The following GNG12 variants were observed in gnomAD, a reference collection of about 807,000 sequenced individuals.
GNG12 encodes the protein G protein subunit gamma 12, also known as guanine nucleotide-binding protein G(I)/G(S)/G(O) subunit gamma-12.
For synonymous variants in GNG12, 28 were observed against 29.7 expected, an observed-to-expected ratio of 0.94 and a Z score of 0.19; for missense variants, 69 against 83.8, an observed-to-expected ratio of 0.82 and a Z score of 0.69.
intron 2 of GNG12, among the ~76,000 whole-genome samples, chr1:67,722,354 C>T (rs570231527): frequency 7.9e-5 from 12 of 152,190 alleles, no homozygotes; most frequent in South Asian, 2.1e-4. Flanking sequence ...CATTTGCAGT[C>T]GCCAGCTGGG....
intron 1 of GNG12, among the ~76,000 whole-genome samples, chr1:67,779,348 A>G (rs1172213856): frequency 6.6e-6 from 1 of 152,156 alleles, no homozygotes; most frequent in Non-Finnish European, 1.5e-5. Context: ...AGGCCACTCA[A>G]AGTGCTGCCA....
At chr1:67,769,850 T>C (rs910610231) in intron 2 of GNG12, among the ~76,000 whole-genome samples, 2 of 151,940 alleles carry the variant, frequency 1.3e-5, no homozygotes, top group African/African-American at 4.8e-5. Flanking sequence ...TCACTCTCTC[T>C]CTCTCCTGAG....
intron 2 of GNG12, among the ~76,000 whole-genome samples, chr1:67,763,312 T>C (rs1437184955): frequency 2.0e-5 from 3 of 152,144 alleles, no homozygotes; most frequent in African/African-American, 7.2e-5. Context: ...GAAAAGAAAA[T>C]ACAAAATTAT....
At chr1:67,717,513 CA>C (rs1205936941) in intron 2 of GNG12, among the ~76,000 whole-genome samples, 648 of 104,014 alleles carry the variant, frequency 6.2e-3, no homozygotes, top group Middle Eastern at 6.8e-3. Flanking sequence ...GAGACTCTGT[CA>C]AAAAAAAAAA....
intron 2 of GNG12, among the ~76,000 whole-genome samples, chr1:67,748,322 T>C (rs1459867388): frequency 6.6e-6 from 1 of 152,204 alleles, no homozygotes; most frequent in Admixed American, 6.5e-5. Flanking sequence ...GTTTGGTGGC[T>C]ACCAATCAAA....
chr1:67,826,804 T>C (rs1428764384), intron 1 of GNG12, among the ~76,000 whole-genome samples: 1 of 152,214 alleles, frequency 6.6e-6, no homozygotes, highest in Non-Finnish European at 1.5e-5. Flanking sequence ...GAGTCTTCAT[T>C]TGAGAAAAAA....
chr1:67,830,663 C>T (rs763976988), intron 1 of GNG12, among the ~76,000 whole-genome samples: 2 of 152,188 alleles, frequency 1.3e-5, no homozygotes, highest in Non-Finnish European at 2.9e-5. Flanking sequence ...TTCTGACTGT[C>T]AAAATTACTA....
intron 2 of GNG12, among the ~76,000 whole-genome samples, chr1:67,763,099 G>GAGAGAGAGAGAGAGAGAT (rs1646615618): frequency 6.7e-6 from 1 of 148,658 alleles, no homozygotes; most frequent in Admixed American, 6.7e-5. Flanking sequence ...AGGAGAGAGA[G>GAGAGAGAGAGAGAGAGAT]AGAGAGAGAG....
At chr1:67,821,208 A>G (rs1646982839) in intron 1 of GNG12, among the ~76,000 whole-genome samples, 1 of 152,336 alleles carries the variant, frequency 6.6e-6, no homozygotes, top group African/African-American at 2.4e-5. Flanking sequence ...GGGACTTTGC[A>G]TTATGCAATT....
At chr1:67,718,177 G>C (rs543203682) in intron 2 of GNG12, among the ~76,000 whole-genome samples, 14 of 152,234 alleles carry the variant, frequency 9.2e-5, no homozygotes, top group African/African-American at 3.4e-4. Context: ...ATGGTCCACA[G>C]TTGCTTCAAA....
chr1:67,803,110 C>G (rs1242390969), intron 1 of GNG12, among the ~76,000 whole-genome samples: 1 of 152,224 alleles, frequency 6.6e-6, no homozygotes, highest in Non-Finnish European at 1.5e-5. Context: ...TCAGGGGATA[C>G]AAGTAAAACA....
intron 2 of GNG12, among the ~76,000 whole-genome samples, chr1:67,747,787 C>T (rs76056526): frequency 1.8e-4 from 28 of 152,328 alleles, no homozygotes; most frequent in African/African-American, 6.7e-4. Flanking sequence ...GTGTGGACCA[C>T]AAAAGTCACC....
chr1:67,707,730 T>A lies in GNG12; in HGVS notation c.-26-18A>T, dbSNP rs181022053. 53 of 1,248,992 alleles carry A rather than the reference T, an allele frequency of 4.2e-5. No individual in the cohort carries two copies. The African/African-American group carries it at 5.9e-4, about 14-fold the overall frequency. 77.4% of individuals were successfully genotyped at this position (1,248,992 alleles called of 1,614,324 possible). On this transcript the variant is annotated intron_variant, in intron 2 of 3. Coordinates refer to ENST00000370982, the MANE Select transcript of GNG12 (RefSeq NM_018841.6). The stretch of plus-strand genomic sequence containing the variant: ...CCTGAAATCTGAGGAGAATTTTTTT[T>A]AAAGACAAGTAACAGGCATCTTTAA...
At chr1:67,777,647 A>G (rs1259709253) in intron 1 of GNG12, 140 bp from the exon 2 acceptor site, 1 of 153,668 alleles carries the variant, frequency 6.5e-6, no homozygotes, top group African/African-American at 2.4e-5. Context: ...CTCCTGATGG[A>G]AGAGGGAACA....
chr1:67,745,200 A>G (rs907673769), intron 2 of GNG12, among the ~76,000 whole-genome samples: 3 of 152,228 alleles, frequency 2.0e-5, no homozygotes, highest in African/African-American at 7.2e-5. Context: ...AAACCAGGGT[A>G]ATAGATGTGT....
At chr1:67,764,727 C>T (rs566613495) in intron 2 of GNG12, among the ~76,000 whole-genome samples, 8 of 152,234 alleles carry the variant, frequency 5.3e-5, no homozygotes, top group South Asian at 2.1e-4. Flanking sequence ...CTTCAATAAC[C>T]GGGGTGGTGG....
intron 2 of GNG12, among the ~76,000 whole-genome samples, chr1:67,735,907 T>C (rs555414735): frequency 6.6e-6 from 1 of 152,300 alleles, no homozygotes; most frequent in Admixed American, 6.5e-5. Context: ...GATCTTCTGA[T>C]AACATAACAG....
chr1:67,741,890 T>C (rs924383270), intron 2 of GNG12, among the ~76,000 whole-genome samples: 1 of 152,194 alleles, frequency 6.6e-6, no homozygotes, highest in South Asian at 2.1e-4. Flanking sequence ...CACATTCCCA[T>C]GTGGCTGCTC....
At chr1:67,746,361 T>A (rs1269563344) in intron 2 of GNG12, among the ~76,000 whole-genome samples, 1 of 152,208 alleles carries the variant, frequency 6.6e-6, no homozygotes, top group Non-Finnish European at 1.5e-5. Flanking sequence ...AAGTCCCCAC[T>A]TTCCCCTCTA....
Sources: gnomAD v4.1 joint callset for allele counts (sites outside exome capture counted in the v4.1 genomes callset) on GRCh38, gnomAD v4.1.1 for gene constraint, MANE v1.5 for transcripts, NCBI Gene and HGNC (gene_info 2026-07-23, HGNC 2026-07-21) for gene names.